Variants in RPTOR observed in about 807,000 individuals in gnomAD.
RPTOR encodes regulatory associated protein of MTOR complex 1, also known as regulatory-associated protein of mTOR.
A neutral mutation model predicts 169.9 loss-of-function variants in RPTOR; 21 were observed. The ratio of observed to expected loss-of-function variants is 0.12; its 90% CI spans 0.09 to 0.18. The LOEUF is 0.18. Ranked by LOEUF, RPTOR falls within the 10% of genes least tolerant of loss-of-function variation. The pLI is 1.00. For synonymous variants in RPTOR, 732 were observed against 753.2 expected (o/e 0.97, Z 0.46); for missense variants, 1,133 against 1,855.9 (o/e 0.61, Z 7.16).
intron 1 of RPTOR, among the ~76,000 whole-genome samples, chr17:80,558,600 T>G (rs2084439933): frequency 6.6e-6 from 1 of 152,236 alleles, no homozygotes. Context: ...CTCGCCTTGT[T>G]TACTGTCACC....
chr17:80,595,734 G>A (rs1269431649), intron 1 of RPTOR, among the ~76,000 whole-genome samples: 2 of 152,212 alleles, frequency 1.3e-5, no homozygotes, highest in African/African-American at 4.8e-5. Context: ...TGGGATTTTG[G>A]GCATGAGCCA....
chr17:80,701,511 C>T (rs1012758275), intron 3 of RPTOR, among the ~76,000 whole-genome samples: 2 of 152,162 alleles, frequency 1.3e-5, no homozygotes, highest in Non-Finnish European at 2.9e-5. Context: ...CTAAAGGTCC[C>T]TCCTACCAAC....
intron 1 of RPTOR, among the ~76,000 whole-genome samples, 198 bp from the exon 2 acceptor site, chr17:80,625,493 T>C (rs561960489): frequency 6.6e-6 from 1 of 152,132 alleles, no homozygotes; most frequent in Non-Finnish European, 1.5e-5. Context: ...TCCCCTTTGC[T>C]GTGAAACCCT....
intron 3 of RPTOR, among the ~76,000 whole-genome samples, chr17:80,644,937 A>C (rs946796151): frequency 2.0e-4 from 30 of 152,302 alleles, no homozygotes; most frequent in African/African-American, 7.0e-4. Flanking sequence ...TGTTCTTTAG[A>C]AGGCAGTGGC....
chr17:80,874,971 G>T (rs1263561528), intron 13 of RPTOR, among the ~76,000 whole-genome samples: 5 of 152,224 alleles, frequency 3.3e-5, no homozygotes, highest in African/African-American at 9.6e-5. Context: ...CAGAACGCAC[G>T]TGGTAGGGTA....
At chr17:80,808,008 A>C (rs1325897689) in intron 7 of RPTOR, among the ~76,000 whole-genome samples, 2 of 152,068 alleles carry the variant, frequency 1.3e-5, no homozygotes, top group Non-Finnish European at 2.9e-5. Context: ...CTAAAAACTA[A>C]TCTAAGCCTG....
rs997668015 is a variant in RPTOR, at chr17:80,585,608, C to T, written c.162+39817C>T. On this transcript the variant is annotated intron_variant, in intron 1 of 33. Transcript: ENST00000306801. ...CCGGGCACACGGTGCACAGCACTTG[C>T]GTAGGGTGGTCCTGAGTGTGCACGC... Among the ~76,000 whole-genome samples, 7 of 152,212 alleles carry T rather than the reference C, an allele frequency of 4.6e-5. No individual in the cohort carries two copies. The East Asian group carries it at 5.8e-4, about 13-fold the overall frequency.
intron 21 of RPTOR, among the ~76,000 whole-genome samples, chr17:80,918,985 A>G (rs2068713218): frequency 6.6e-6 from 1 of 151,942 alleles, no homozygotes; most frequent in South Asian, 2.1e-4. Context: ...GAGCCTTCCC[A>G]CACACCCGGG....
Position 80,949,402 on chromosome 17 carries a change from C to T in RPTOR, c.3266-41C>T, listed in dbSNP as rs1333667527. On this transcript the variant is annotated intron_variant, in intron 27 of 33. Coordinates refer to ENST00000306801, the MANE Select transcript of RPTOR (RefSeq NM_020761.3). ...ACGCACAGAGCACAGGCCAGGCCAT[C>T]GAGGGGCCTGGTTCACATCCTTTCC... 3.9e-6 allele frequency: 6 copies of T among 1,520,692 alleles called. No individual in the cohort carries two copies. The African/African-American group carries it at 4.1e-5, about 10-fold the overall frequency. The allele number at this position is 1,520,692 out of a possible 1,614,324, so 94.2% of individuals were successfully genotyped here.
chr17:80,855,326 C>T, intron 11 of RPTOR, 138 bp from the exon 12 acceptor site: 1 of 647,808 alleles, frequency 1.5e-6, no homozygotes, highest in African/African-American at 1.8e-5. Context: ...AAAGGAGCAC[C>T]AGCTCTAGGT....
chr17:80,763,492 G>A lies in RPTOR; in HGVS notation c.830+9307G>A, dbSNP rs1427986820. On this transcript the variant is annotated intron_variant, in intron 6 of 33. Coordinates refer to ENST00000306801, the MANE Select transcript of RPTOR (RefSeq NM_020761.3). ...TGCACCTGACAACGTGGCCTCGAAC[G>A]AGATAAGATGGGAGCTGAAGTGTGG... is the stretch of plus-strand genomic sequence containing the variant. Among the ~76,000 whole-genome samples the A allele has an allele frequency of 5.3e-5, 8 of 152,290 alleles. No individual in the cohort carries two copies. In the South Asian group the frequency reaches 8.3e-4, roughly 16 times the overall value.
At chr17:80,634,223 T>A (rs2065466995) in intron 2 of RPTOR, among the ~76,000 whole-genome samples, 1 of 147,964 alleles carries the variant, frequency 6.8e-6, no homozygotes, top group South Asian at 2.1e-4. Context: ...ACTGTGTGCG[T>A]GTGTGTACTG....
intron 20 of RPTOR, among the ~76,000 whole-genome samples, chr17:80,894,779 G>C (rs1039921927): frequency 6.6e-6 from 1 of 152,168 alleles, no homozygotes; most frequent in Non-Finnish European, 1.5e-5. Flanking sequence ...GTGTGTGTGT[G>C]TGTTGTGTTC....
chr17:80,610,187 C>T (rs911386950), intron 1 of RPTOR, among the ~76,000 whole-genome samples: 8 of 152,102 alleles, frequency 5.3e-5, no homozygotes, highest in African/African-American at 1.7e-4. Context: ...CTTCCTCCTT[C>T]TCCTTCTCCT....
At chr17:80,666,556 A>T (rs1024319330) in intron 3 of RPTOR, among the ~76,000 whole-genome samples, 1 of 152,236 alleles carries the variant, frequency 6.6e-6, no homozygotes, top group Non-Finnish European at 1.5e-5. Context: ...TTGGCCATAT[A>T]TGCGTCACTT....
At chr17:80,888,030 G>A (rs1275514459) in intron 17 of RPTOR, among the ~76,000 whole-genome samples, 2 of 152,214 alleles carry the variant, frequency 1.3e-5, no homozygotes, top group Admixed American at 6.5e-5. Context: ...ACACAGGGAC[G>A]GGCTCAGCGG....
rs929679823 is a variant in RPTOR at position 80,823,957 on chromosome 17, G to A, written c.1136+734G>A. On this transcript the variant is annotated intron_variant, in intron 9 of 33. Coordinates refer to ENST00000306801, the MANE Select transcript of RPTOR (RefSeq NM_020761.3). This position sits in a 1 kb window ranked among gnomAD's most constrained non-coding sequence, Gnocchi z 4.5. The stretch of plus-strand genomic sequence containing the variant: ...ACAACACAAATATTTTTAAAAGAGC[G>A]ATTAACGTATGCCTAGCCGCAGAAG... Among the ~76,000 whole-genome samples, 2 of 152,182 alleles carry A rather than the reference G, an allele frequency of 1.3e-5. No homozygotes were observed. Among genetic ancestry groups the A allele is most frequent in the South Asian group, 2.1e-4 (1 of 4,832 alleles).
intron 6 of RPTOR, among the ~76,000 whole-genome samples, chr17:80,782,366 A>G (rs2066949605): frequency 6.6e-6 from 1 of 151,812 alleles, no homozygotes; most frequent in Non-Finnish European, 1.5e-5. Flanking sequence ...TTGTAATTTA[A>G]AAGAATCACT....
At position 80,864,518 on chromosome 17, in the gene RPTOR, A is replaced by C. The variant is rs1458662837; in HGVS notation, c.1509+6618A>C. Among the ~76,000 whole-genome samples the C allele has an allele frequency of 4.6e-5, 7 of 152,346 alleles. No homozygotes were observed. In the East Asian group the frequency reaches 1.3e-3, roughly 29 times the overall value. ...AGAGAGAGACAGAGAAAGAGAAAAAACTGTCAACCTAGAATTCTATACCCA... is the reference window on the plus strand; with the variant it reads ...AGAGAGAGACAGAGAAAGAGAAAAACCTGTCAACCTAGAATTCTATACCCA... On this transcript the variant is annotated intron_variant, in intron 13 of 33. Transcript: ENST00000306801.
Sources: gnomAD v4.1 joint callset for allele counts (sites outside exome capture counted in the v4.1 genomes callset) on GRCh38, gnomAD v4.1.1 for gene constraint, Gnocchi (gnomAD v3.1) non-coding constraint, MANE v1.5 for transcripts, NCBI Gene and HGNC (gene_info 2026-07-23, HGNC 2026-07-21) for gene names.